FBXO28: variants seen among roughly 807,000 people sequenced by gnomAD.
The protein encoded by FBXO28 is F-box protein 28, also known as F-box only protein 28.
In FBXO28, 8 loss-of-function variants were observed where a neutral mutation model predicts 38.1. That is an observed-to-expected ratio of 0.21 (90% CI 0.12 to 0.38). FBXO28 has a LOEUF of 0.38. Ranked by LOEUF, FBXO28 falls within the 10% of genes least tolerant of loss-of-function variation. FBXO28 has a pLI of 1.00. For synonymous variants in FBXO28, 168 were observed against 173.8 expected (o/e 0.97, Z 0.26); for missense variants, 345 against 460.6 (o/e 0.75, Z 2.30).
intron 3 of FBXO28, among the ~76,000 whole-genome samples, chr1:224,138,200 C>T (rs2102622582): frequency 6.6e-6 from 1 of 151,818 alleles, no homozygotes; most frequent in East Asian, 1.9e-4. Flanking sequence ...TGCACTCCAG[C>T]CTGGGCTACA....
At chr1:224,154,957 A>T (rs938421030) in intron 4 of FBXO28, among the ~76,000 whole-genome samples, 6 of 149,074 alleles carry the variant, frequency 4.0e-5, no homozygotes, top group Non-Finnish European at 8.9e-5. Context: ...CAGCCTGGGC[A>T]ACAGAGTGAG....
At chr1:224,149,983 G>C (rs1368977852) in intron 3 of FBXO28, among the ~76,000 whole-genome samples, 1 of 152,218 alleles carries the variant, frequency 6.6e-6, no homozygotes, top group East Asian at 1.9e-4. Flanking sequence ...CTGATGGCCA[G>C]TTTGTATCTA....
At chr1:224,118,245 A>G (rs950975908) in intron 1 of FBXO28, among the ~76,000 whole-genome samples, 34 of 151,336 alleles carry the variant, frequency 2.2e-4, no homozygotes, top group African/African-American at 5.8e-4. Context: ...GCCACTGCAC[A>G]GTATAAAAAG....
chr1:224,124,876 G>A lies in FBXO28; in HGVS notation c.268-5596G>A, dbSNP rs182467889. Among the ~76,000 whole-genome samples the A allele has an allele frequency of 1.7e-4, 26 of 151,922 alleles. No homozygotes were observed. The East Asian group carries it at 3.7e-3, about 22-fold the overall frequency. ...CCAAGTAGCTGGGATTACAGGCGCC[G>A]GCTACCATGCCTGGCAAATTTTTGT... On this transcript the variant is annotated intron_variant, in intron 1 of 4. Transcript: ENST00000366862.
At chr1:224,120,902 T>G (rs939263169) in intron 1 of FBXO28, among the ~76,000 whole-genome samples, 16 of 151,230 alleles carry the variant, frequency 1.1e-4, no homozygotes, top group African/African-American at 3.9e-4. Flanking sequence ...AGAAAATGTA[T>G]GTCATTGTAA....
chr1:224,153,766 C>CA (rs1485658187), intron 4 of FBXO28, among the ~76,000 whole-genome samples: 3 of 151,886 alleles, frequency 2.0e-5, no homozygotes, highest in Admixed American at 1.3e-4. Context: ...ACTAAAAATA[C>CA]AAAAATGTGC....
rs943852469 is a variant in FBXO28 at position 224,160,210 on chromosome 1, T to G, written c.*2464T>G. 1 of 152,174 alleles carries G rather than the reference T, an allele frequency of 6.6e-6. No homozygotes were observed. Among genetic ancestry groups the G allele is most frequent in the Admixed American group, 6.6e-5 (1 of 15,266 alleles). 9.4% of individuals were successfully genotyped at this position (152,174 alleles called of 1,614,324 possible). On this transcript the variant is annotated 3_prime_UTR_variant, in exon 5 of 5. Coordinates refer to ENST00000366862, the MANE Select transcript of FBXO28 (RefSeq NM_015176.4). ...ATTTAAGGTTCAACAAACCGCAGAT[T>G]ATTATGATCAGCTAGAACTGACATA...
chr1:224,130,430 A>G (rs1286984125), intron 1 of FBXO28, 42 bp from the exon 2 acceptor site: 1 of 1,302,588 alleles, frequency 7.7e-7, no homozygotes, highest in Non-Finnish European at 1.1e-6. Flanking sequence ...GTTGTCTCTT[A>G]TTAATTTGGT....
intron 3 of FBXO28, among the ~76,000 whole-genome samples, chr1:224,138,204 G>A (rs1160467444): frequency 6.6e-6 from 1 of 151,636 alleles, no homozygotes; most frequent in Admixed American, 6.6e-5. Context: ...CTCCAGCCTG[G>A]GCTACAGAGT....
intron 3 of FBXO28, among the ~76,000 whole-genome samples, chr1:224,135,968 G>A (rs1203967589): frequency 1.3e-5 from 2 of 152,052 alleles, no homozygotes; most frequent in African/African-American, 4.8e-5. Context: ...CAGGCAGTCA[G>A]AGGTTGCAGT....
At chr1:224,153,435 T>C in intron 4 of FBXO28, 98 bp downstream of exon 4, 3 of 813,728 alleles carry the variant, frequency 3.7e-6, no homozygotes, top group South Asian at 4.1e-5. Context: ...GTGTTAGTAG[T>C]TGTTTATTGG....
chr1:224,119,300 A>AT (rs60981634), intron 1 of FBXO28, among the ~76,000 whole-genome samples: 2,091 of 144,716 alleles, frequency 0.014, 52 homozygotes, highest in African/African-American at 0.048. Flanking sequence ...CGCCCGGCTA[A>AT]TTTTTTTTTT....
At chr1:224,149,979 G>A (rs1271629766) in intron 3 of FBXO28, among the ~76,000 whole-genome samples, 2 of 152,208 alleles carry the variant, frequency 1.3e-5, no homozygotes, top group African/African-American at 4.8e-5. Context: ...AGGGCTGATG[G>A]CCAGTTTGTA....
In FBXO28 at chr1:224,162,006, G is replaced by A. The variant is rs888405408; in HGVS notation, c.*4260G>A. On this transcript the variant is annotated 3_prime_UTR_variant, in exon 5 of 5. Transcript: ENST00000366862. ...ATTGGAAAGTGAAAAACACCTCCCG[G>A]TCACACAACAGGGTACGTAAATAAA... The A allele has an allele frequency of 6.6e-6, 1 of 152,118 alleles. No homozygotes were observed. The highest frequency in any genetic ancestry group is 1.5e-5 in the Non-Finnish European group (1 of 68,020). The allele number at this position is 152,118 out of a possible 1,614,324, so 9.4% of individuals were successfully genotyped here. A position where few individuals can be genotyped will look rare whatever the true frequency, so the allele number is the denominator to read the frequency against.
chr1:224,123,993 C>T (rs1393919183), intron 1 of FBXO28, among the ~76,000 whole-genome samples: 1 of 152,086 alleles, frequency 6.6e-6, no homozygotes, highest in Non-Finnish European at 1.5e-5. Context: ...GCCTATAATG[C>T]CAACTACTTG....
intron 2 of FBXO28, among the ~76,000 whole-genome samples, chr1:224,132,354 A>C (rs1251979443): frequency 1.3e-5 from 2 of 152,222 alleles, no homozygotes; most frequent in Admixed American, 1.3e-4. Context: ...CGTCAGGGGA[A>C]TGCAAATCAA....
chr1:224,141,939 A>G (rs1657364933), intron 3 of FBXO28, among the ~76,000 whole-genome samples: 1 of 150,816 alleles, frequency 6.6e-6, no homozygotes, highest in African/African-American at 2.4e-5. Flanking sequence ...CCTAGGCTAG[A>G]GTGCAGTGGC....
chr1:224,161,867 A>G lies in FBXO28; in HGVS notation c.*4121A>G, dbSNP rs903121169. On this transcript the variant is annotated 3_prime_UTR_variant, in exon 5 of 5. Transcript: ENST00000366862. ...ATATTCAAACCTATTCCAAAAGGTT[A>G]GAAGTGTTTAAGATTCCTTTATTGT... 1 of 152,232 alleles carries G rather than the reference A, an allele frequency of 6.6e-6. No homozygotes were observed. Among genetic ancestry groups the G allele is most frequent in the African/African-American group, 2.4e-5 (1 of 41,454 alleles). The allele number at this position is 152,232 out of a possible 1,614,324, so 9.4% of individuals were successfully genotyped here. A position where few individuals can be genotyped will look rare whatever the true frequency, so the allele number is the denominator to read the frequency against.
chr1:224,153,909 G>T (rs1006203351), intron 4 of FBXO28, among the ~76,000 whole-genome samples: 5 of 145,072 alleles, frequency 3.4e-5, no homozygotes, highest in Non-Finnish European at 7.5e-5. Flanking sequence ...CAACAAGAGC[G>T]AAACTCCATC....
Sources: gnomAD v4.1 joint callset for allele counts (sites outside exome capture counted in the v4.1 genomes callset) on GRCh38, gnomAD v4.1.1 for gene constraint, MANE v1.5 for transcripts, NCBI Gene and HGNC (gene_info 2026-07-23, HGNC 2026-07-21) for gene names.